Variants in CD8A observed in about 807,000 individuals in gnomAD.
The protein encoded by CD8A is CD8 subunit alpha, also known as T-cell surface glycoprotein CD8 alpha chain.
In CD8A, 25 loss-of-function variants were observed where a neutral mutation model predicts 24.2. The observed-to-expected ratio is 1.03, with a 90% CI of 0.75 to 1.44. The LOEUF (loss-of-function observed/expected upper bound fraction) is 1.44, where lower values mean the gene tolerates loss of function less well. Ranked by LOEUF, CD8A falls within the 40% of genes most tolerant of loss-of-function variation. The probability of loss-of-function intolerance (pLI) is 0.00; values close to 1 mark genes in which losing one functional copy is unlikely to be tolerated. For synonymous variants in CD8A, 165 were observed against 149.9 expected (o/e 1.10, Z -0.74); for missense variants, 360 against 319.7 (o/e 1.13, Z -0.96).
chr2:86,804,339 C>T (rs1395358181), intron 2 of CD8A, among the ~76,000 whole-genome samples: 1 of 152,146 alleles, frequency 6.6e-6, no homozygotes, highest in African/African-American at 2.4e-5. Flanking sequence ...AAACCAAATA[C>T]TGTATGATTC....
intron 3 of CD8A, among the ~76,000 whole-genome samples, chr2:86,797,520 T>C (rs1673521809): frequency 6.6e-6 from 1 of 152,014 alleles, no homozygotes; most frequent in Non-Finnish European, 1.5e-5. Context: ...ATGTCCCACA[T>C]GTTTGCCATT....
At position 86,790,338 on chromosome 2, in the gene CD8A, G is replaced by A; in HGVS notation, c.393C>T (p.Val131=). The A allele has an allele frequency of 6.2e-7, 1 of 1,613,218 alleles. No individual in the cohort carries two copies. The highest frequency in any genetic ancestry group is 1.3e-5 in the African/African-American group (1 of 75,024). The change falls in exon 2 of 6, where the codon GTC becomes GTT. Residue 131 remains valine, a synonymous_variant. Coordinates refer to ENST00000283635, the MANE Select transcript of CD8A (RefSeq NM_001768.7). The part of the protein sequence containing the change: ...SIMYFSHFVP[V]FLPAKPTTTP... ...ACCCGGCGCGCGGACCTGGCAGGAA[G>A]ACCGGCACGAAGTGGCTGAAGTACA...
chr2:86,789,581 T>C (rs1673176636), intron 3 of CD8A, 59 bp downstream of exon 3: 1 of 1,359,494 alleles, frequency 7.4e-7, no homozygotes, highest in Non-Finnish European at 1.0e-6. Flanking sequence ...GGGCTGTCCC[T>C]GGCATGGGCT....
chr2:86,785,946 G>A lies in CD8A; in HGVS notation c.682C>T (p.Pro228Ser). The change falls in exon 6 of 6, where the codon CCC becomes TCC. Residue 228 changes from proline (P) to serine (S), a missense_variant. Transcript: ENST00000283635. The stretch of plus-strand genomic sequence containing the variant: ...TAGACGTATCTCGCCGAAAGGCTGG[G>A]CTTGTCTCCCGATTTGACCACAGGC... The part of the protein sequence containing the change: ...PRPVVKSGDK[P>S]SLSARYV 1 of 1,613,896 alleles carries A rather than the reference G, an allele frequency of 6.2e-7. No homozygotes were observed. The highest frequency in any genetic ancestry group is 1.1e-5 in the South Asian group (1 of 91,088).
intron 3 of CD8A, 26 bp from the exon 4 acceptor site, chr2:86,789,459 T>C (rs1301522788): frequency 6.4e-7 from 1 of 1,559,666 alleles, no homozygotes; most frequent in Admixed American, 1.7e-5. Context: ...ACGCCGACAT[T>C]TAGGAGAGGG....
intron 2 of CD8A, 37 bp downstream of exon 2, chr2:86,790,290 GC>G (rs746860633): frequency 6.9e-7 from 1 of 1,447,338 alleles, no homozygotes. Flanking sequence ...TGAACCCCAA[GC>G]CCCACGCGGA....
chr2:86,799,571 A>G (rs1673593119), intron 3 of CD8A, among the ~76,000 whole-genome samples: 1 of 151,826 alleles, frequency 6.6e-6, no homozygotes, highest in South Asian at 2.1e-4. Context: ...CCTGGCTAAC[A>G]CGGTGAAACC....
chr2:86,786,264 G>A (rs1184795229), intron 5 of CD8A, among the ~76,000 whole-genome samples: 1 of 152,210 alleles, frequency 6.6e-6, no homozygotes, highest in Non-Finnish European at 1.5e-5. Context: ...TCTAAACCGA[G>A]TTAGTCTAGC....
At chr2:86,800,196 A>C (rs553647409) in intron 3 of CD8A, among the ~76,000 whole-genome samples, 1 of 152,162 alleles carries the variant, frequency 6.6e-6, no homozygotes, top group African/African-American at 2.4e-5. Context: ...GCGGTGGCTC[A>C]TGCCTGTAAT....
upstream of CD8A, among the ~76,000 whole-genome samples, chr2:86,794,763 C>A (rs1673426232): frequency 1.3e-5 from 2 of 152,072 alleles, no homozygotes; most frequent in Admixed American, 1.3e-4. Flanking sequence ...GTCGGGGATC[C>A]CTAATGTTGC....
At chr2:86,803,251 C>A (rs911862891) in intron 2 of CD8A, among the ~76,000 whole-genome samples, 1 of 152,182 alleles carries the variant, frequency 6.6e-6, no homozygotes. Flanking sequence ...TGGACTCAGG[C>A]ATCTCTCTTC....
At chr2:86,795,680 T>C (rs979070100), upstream of CD8A, among the ~76,000 whole-genome samples, 1 of 152,098 alleles carries the variant, frequency 6.6e-6, no homozygotes, top group Non-Finnish European at 1.5e-5. Context: ...GCTTTGCCTA[T>C]AGAGGAAGGC....
chr2:86,798,547 G>A (rs1229312253), intron 3 of CD8A, among the ~76,000 whole-genome samples: 1 of 150,154 alleles, frequency 6.7e-6, no homozygotes, highest in Admixed American at 6.6e-5. Context: ...TTTTGAGGCA[G>A]AGTCTAGCTC....
intron 4 of CD8A, 96 bp downstream of exon 4, chr2:86,789,227 C>T (rs919092925): frequency 1.2e-5 from 10 of 839,544 alleles, no homozygotes; most frequent in African/African-American, 1.0e-4. Flanking sequence ...GAAAACTCAA[C>T]CCCAAGCTCC....
At chr2:86,807,758 C>G (rs1333180882) in exon 2 of CD8A, 5 of 151,656 alleles carry the variant, frequency 3.3e-5, no homozygotes, top group African/African-American at 9.8e-5. Context: ...ACCAAGGCGA[C>G]GAGAGCCGGT....
At chr2:86,787,898 AGTGTGTGTGTGT>A (rs34388912) in intron 5 of CD8A, among the ~76,000 whole-genome samples, 1 of 144,488 alleles carries the variant, frequency 6.9e-6, no homozygotes, top group Non-Finnish European at 1.5e-5. Flanking sequence ...AGAGAGAGAG[AGTGTGTGTGTGT>A]GTGTGTGTGT....
At chr2:86,806,941 T>C (rs1005477574) in intron 2 of CD8A, among the ~76,000 whole-genome samples, 1 of 151,818 alleles carries the variant, frequency 6.6e-6, no homozygotes, top group Non-Finnish European at 1.5e-5. Context: ...AGATAACAAA[T>C]TGGAGAGAGA....
chr2:86,789,774 T>C (rs2104437817), intron 2 of CD8A, 24 bp from the exon 3 acceptor site: 2 of 1,313,558 alleles, frequency 1.5e-6, no homozygotes, highest in East Asian at 3.0e-5. Flanking sequence ...AGAGCGTGGT[T>C]GGGGGCCAGG....
Position 86,790,855 on chromosome 2 carries a change from G to C in CD8A, c.-30C>G. Reference sequence around the variant, plus strand: ...CGCTCCCCAGGACGCTGCTTGGCTCGAAGCTCGGGCGCGAGGGGAGGCGCG... The same window carrying C: ...CGCTCCCCAGGACGCTGCTTGGCTCCAAGCTCGGGCGCGAGGGGAGGCGCG... On this transcript the variant is annotated 5_prime_UTR_variant, in exon 1 of 6. Coordinates refer to ENST00000283635, the MANE Select transcript of CD8A (RefSeq NM_001768.7). 2 of 1,536,956 alleles carry C rather than the reference G, an allele frequency of 1.3e-6. No individual in the cohort carries two copies. Among genetic ancestry groups the C allele is most frequent in the Non-Finnish European group, 1.7e-6 (2 of 1,146,090 alleles).
Sources: allele counts gnomAD v4.1 joint callset (sites outside exome capture counted in the v4.1 genomes callset), GRCh38; gene constraint gnomAD v4.1.1; transcripts MANE v1.5; gene names NCBI Gene and HGNC (gene_info 2026-07-23, HGNC 2026-07-21).